WWOX: variants seen among roughly 807,000 people sequenced by gnomAD.
WWOX encodes WW domain containing oxidoreductase.
Under a neutral mutation model 46.2 loss-of-function variants are expected in WWOX, and 69 were observed. That is an observed-to-expected ratio of 1.49 (90% confidence interval 1.23 to 1.82). WWOX has a LOEUF of 1.82. Among genes scored for constraint, WWOX ranks in the 40% most tolerant of loss-of-function variants. The probability of loss-of-function intolerance (pLI) is 0.00; values close to 1 mark genes in which losing one functional copy is unlikely to be tolerated. For synonymous variants in WWOX, 359 were observed against 202.6 expected (o/e 1.77, Z -6.56); for missense variants, 919 against 542.6 (o/e 1.69, Z -6.89).
rs147047060 is a variant in WWOX at position 79,170,924 on chromosome 16, A to G, written c.1057-40684A>G. 1.2e-4 allele frequency among the ~76,000 whole-genome samples: 19 copies of G among 152,312 alleles called. No homozygotes were observed. In the East Asian group the frequency reaches 2.1e-3, roughly 17 times the overall value. ...GCTGATTATTAGTGCCTTGCCTACA[A>G]ATTTTTAATACATTGACTTATCTAA... On this transcript the variant is annotated intron_variant, in intron 8 of 8. Transcript: ENST00000566780.
Position 78,996,155 on chromosome 16 carries a change from T to TA in WWOX, c.1057-215453_1057-215452insA, listed in dbSNP as rs912290459. On this transcript the variant is annotated intron_variant, in intron 8 of 8. Coordinates refer to ENST00000566780, the MANE Select transcript of WWOX (RefSeq NM_016373.4). The stretch of plus-strand genomic sequence containing the variant: ...CGTAGAATGTTCTTTTTTTTAATTT[T>TA]TTTTTTAACGAAACTCACATCTTCT... The TA allele has an allele frequency of 4.2e-6, 4 of 963,638 alleles. No individual in the cohort carries two copies. In the African/African-American group the frequency reaches 7.1e-5, roughly 17 times the overall value. 59.7% of individuals were successfully genotyped at this position (963,638 alleles called of 1,614,324 possible).
intron 8 of WWOX, among the ~76,000 whole-genome samples, chr16:78,914,866 G>C (rs898578743): frequency 1.5e-5 from 2 of 136,362 alleles, no homozygotes; most frequent in Non-Finnish European, 3.1e-5. Context: ...GTGACAGAGC[G>C]AGACTCCGCC....
chr16:79,157,433 A>G (rs1350632751), intron 8 of WWOX, among the ~76,000 whole-genome samples: 3 of 143,152 alleles, frequency 2.1e-5, no homozygotes, highest in Non-Finnish European at 4.4e-5. Context: ...AAAAAAAAAA[A>G]AAAGAAAGAA....
At chr16:79,042,903 T>C (rs564136195) in intron 8 of WWOX, among the ~76,000 whole-genome samples, 8 of 152,336 alleles carry the variant, frequency 5.3e-5, no homozygotes, top group African/African-American at 1.7e-4. Context: ...CCCTGGATTT[T>C]AAGTGATGCG....
chr16:78,427,562 T>G (rs2083114125), intron 7 of WWOX, among the ~76,000 whole-genome samples: 1 of 149,138 alleles, frequency 6.7e-6, no homozygotes, highest in Non-Finnish European at 1.5e-5. Context: ...ACACACGGAG[T>G]TTCTCAGCTT....
At chr16:78,402,881 T>C (rs2151944908) in intron 6 of WWOX, among the ~76,000 whole-genome samples, 1 of 152,308 alleles carries the variant, frequency 6.6e-6, no homozygotes, top group African/African-American at 2.4e-5. Flanking sequence ...ACCACTCCAC[T>C]ACCACATGTG....
chr16:78,725,198 A>G (rs182537289), intron 8 of WWOX, among the ~76,000 whole-genome samples: 294 of 152,182 alleles, frequency 1.9e-3, no homozygotes, highest in African/African-American at 7.0e-3. Flanking sequence ...GCCTACTGCC[A>G]TGTATGATGT....
chr16:79,027,164 C>T (rs796238422), intron 8 of WWOX, among the ~76,000 whole-genome samples: 2 of 150,860 alleles, frequency 1.3e-5, no homozygotes, highest in South Asian at 2.1e-4. Flanking sequence ...CCTGTAGTCC[C>T]AGCTACTCAG....
intron 8 of WWOX, among the ~76,000 whole-genome samples, chr16:78,807,063 G>A (rs929664735): frequency 6.6e-6 from 1 of 152,194 alleles, no homozygotes; most frequent in African/African-American, 2.4e-5. Flanking sequence ...TCTGTAATTT[G>A]TGCAAGCATC....
At chr16:78,239,305 TC>T (rs2037547651) in intron 5 of WWOX, among the ~76,000 whole-genome samples, 1 of 152,158 alleles carries the variant, frequency 6.6e-6, no homozygotes, top group African/African-American at 2.4e-5. Context: ...AAGGTGCTGT[TC>T]CCTTCCTCCT....
intron 8 of WWOX, among the ~76,000 whole-genome samples, chr16:78,607,548 T>G (rs2045789708): frequency 6.6e-6 from 1 of 152,162 alleles, no homozygotes; most frequent in Non-Finnish European, 1.5e-5. Flanking sequence ...CAAAGGGTCT[T>G]AGAGTGTGAA....
intron 5 of WWOX, among the ~76,000 whole-genome samples, chr16:78,357,794 C>T (rs1348813229): frequency 6.6e-6 from 1 of 152,130 alleles, no homozygotes; most frequent in African/African-American, 2.4e-5. Context: ...TGTAATTATT[C>T]CCATTTCACC....
intron 8 of WWOX, among the ~76,000 whole-genome samples, chr16:78,971,955 C>T (rs370702359): frequency 1.6e-4 from 24 of 152,170 alleles, no homozygotes; most frequent in East Asian, 5.8e-4. Context: ...GGCGCACACT[C>T]GGGGAGCATT....
intron 8 of WWOX, among the ~76,000 whole-genome samples, chr16:78,961,692 A>G (rs2046273987): frequency 6.6e-6 from 1 of 152,168 alleles, no homozygotes; most frequent in African/African-American, 2.4e-5. Flanking sequence ...GCTTGTTAAA[A>G]TAAGCATATT....
intron 8 of WWOX, among the ~76,000 whole-genome samples, chr16:78,725,334 C>CTT (rs1567517488): frequency 3.2e-5 from 3 of 94,080 alleles, no homozygotes; most frequent in South Asian, 3.4e-4. Context: ...TTTTTCTTTT[C>CTT]TTTTCTTTTC....
intron 5 of WWOX, among the ~76,000 whole-genome samples, chr16:78,187,479 C>T (rs573284640): frequency 3.3e-5 from 5 of 152,156 alleles, no homozygotes; most frequent in East Asian, 1.9e-4. Context: ...GGTGTGCACC[C>T]GTAGTCCCAC....
At chr16:78,417,928 C>A (rs572074140) in intron 6 of WWOX, among the ~76,000 whole-genome samples, 135 of 152,140 alleles carry the variant, frequency 8.9e-4, no homozygotes, top group Admixed American at 1.5e-3. Flanking sequence ...ACAGATGAGG[C>A]AACAGAATGA....
intron 5 of WWOX, among the ~76,000 whole-genome samples, chr16:78,320,006 C>T (rs2080433543): frequency 6.6e-6 from 1 of 152,162 alleles, no homozygotes; most frequent in Admixed American, 6.5e-5. Flanking sequence ...TATCTTTTAA[C>T]TTTATTTCTT....
At chr16:78,773,936 CA>C (rs1255368923) in intron 8 of WWOX, among the ~76,000 whole-genome samples, 1 of 152,166 alleles carries the variant, frequency 6.6e-6, no homozygotes, top group Non-Finnish European at 1.5e-5. Flanking sequence ...CCAGGCCCTT[CA>C]TGGAATTTGA....
Sources: allele counts gnomAD v4.1 joint callset (sites outside exome capture counted in the v4.1 genomes callset), GRCh38; gene constraint gnomAD v4.1.1; transcripts MANE v1.5; gene names NCBI Gene and HGNC (gene_info 2026-07-23, HGNC 2026-07-21).